Variants in MAPK1IP1L observed in about 807,000 individuals in gnomAD.
MAPK1IP1L encodes mitogen-activated protein kinase 1 interacting protein 1 like.
MAPK1IP1L carries 10 observed loss-of-function variants against 18.1 expected under a neutral mutation model. That is an observed-to-expected ratio of 0.55 (90% CI 0.34 to 0.94). The LOEUF is 0.94. MAPK1IP1L is among the 40% of genes least tolerant of loss of function. The pLI, the probability that MAPK1IP1L is intolerant of heterozygous loss-of-function variation, is 0.02. For synonymous variants in MAPK1IP1L, 115 were observed against 117.3 expected, an observed-to-expected ratio of 0.98 and a Z score of 0.13; for missense variants, 260 against 318.2, an observed-to-expected ratio of 0.82 and a Z score of 1.39.
chr14:55,052,065 T>C (rs936725281), intron 1 of MAPK1IP1L, among the ~76,000 whole-genome samples: 22 of 151,952 alleles, frequency 1.4e-4, no homozygotes, highest in African/African-American at 4.8e-4. Context: ...CCGACGGGTT[T>C]CTGGGCGCCT....
intron 1 of MAPK1IP1L, among the ~76,000 whole-genome samples, chr14:55,059,468 C>CA (rs1333476767): frequency 1.3e-5 from 2 of 151,988 alleles, no homozygotes; most frequent in Non-Finnish European, 2.9e-5. Flanking sequence ...TCCATCTCTA[C>CA]AAAAAAACTA....
At chr14:55,054,912 C>A (rs145016566) in intron 1 of MAPK1IP1L, among the ~76,000 whole-genome samples, 1 of 152,248 alleles carries the variant, frequency 6.6e-6, no homozygotes, top group South Asian at 2.1e-4. Context: ...AATTACTATT[C>A]TTGCTATTCA....
intron 1 of MAPK1IP1L, among the ~76,000 whole-genome samples, chr14:55,057,663 C>T (rs1272245776): frequency 6.6e-6 from 1 of 151,094 alleles, no homozygotes; most frequent in Non-Finnish European, 1.5e-5. Context: ...GACTGAGGCA[C>T]GAGAATCGCT....
intron 1 of MAPK1IP1L, among the ~76,000 whole-genome samples, chr14:55,052,409 C>A (rs1472164683): frequency 1.3e-5 from 2 of 152,042 alleles, no homozygotes; most frequent in Non-Finnish European, 2.9e-5. Context: ...AGATGAATAC[C>A]CAGGGCAAAC....
rs1287236492 is a variant in MAPK1IP1L at position 55,068,496 on chromosome 14, TAGA to T, written c.*3872_*3874del. Reference sequence around the variant, plus strand: ...GTCTCAATTTTCTCACCCTGAATGATAGAAGCTAGCTTTATCAAATGCCAAGGT... The same window carrying T: ...GTCTCAATTTTCTCACCCTGAATGATAGCTAGCTTTATCAAATGCCAAGGT... On this transcript the variant is annotated 3_prime_UTR_variant, in exon 4 of 4. Coordinates refer to ENST00000395468, the MANE Select transcript of MAPK1IP1L (RefSeq NM_144578.4). 1 of 152,608 alleles carries T rather than the reference TAGA, an allele frequency of 6.6e-6. No homozygotes were observed. The highest frequency in any genetic ancestry group is 1.9e-4 in the East Asian group (1 of 5,196). The allele number at this position is 152,608 out of a possible 1,614,324, so 9.5% of individuals were successfully genotyped here. A position where few individuals can be genotyped will look rare whatever the true frequency, so the allele number is the denominator to read the frequency against.
intron 1 of MAPK1IP1L, among the ~76,000 whole-genome samples, chr14:55,054,257 C>T (rs2042753627): frequency 1.3e-5 from 2 of 149,666 alleles, no homozygotes; most frequent in Admixed American, 1.3e-4. Context: ...CCTGCCTCAG[C>T]CTATCGAAGC....
intron 1 of MAPK1IP1L, 37 bp from the exon 2 acceptor site, chr14:55,061,643 A>G (rs2042818880): frequency 6.8e-7 from 1 of 1,471,860 alleles, no homozygotes; most frequent in Admixed American, 2.0e-5. Flanking sequence ...TGATTTTGAA[A>G]TTTTTCTTTC....
At chr14:55,054,065 G>A (rs2042751211) in intron 1 of MAPK1IP1L, among the ~76,000 whole-genome samples, 2 of 151,794 alleles carry the variant, frequency 1.3e-5, no homozygotes, top group Admixed American at 1.3e-4. Flanking sequence ...AGATTTTTGA[G>A]CATTTCAAAA....
rs530951947 is a variant in MAPK1IP1L, at chr14:55,066,281, G to A, written c.*1654G>A. 8 of 152,278 alleles carry A rather than the reference G, an allele frequency of 5.3e-5. No individual in the cohort carries two copies. The highest frequency in any genetic ancestry group is 1.9e-4 in the African/African-American group (8 of 41,556). 9.4% of individuals were successfully genotyped at this position (152,278 alleles called of 1,614,324 possible). A position where few individuals can be genotyped will look rare whatever the true frequency, so the allele number is the denominator to read the frequency against. On this transcript the variant is annotated 3_prime_UTR_variant, in exon 4 of 4. Coordinates refer to ENST00000395468, the MANE Select transcript of MAPK1IP1L (RefSeq NM_144578.4). ...GAAAGCAAAATGGTTACCTTTGAGA[G>A]GAACATTCAGTGTTTAATCATCCCT... is the stretch of plus-strand genomic sequence containing the variant.
intron 2 of MAPK1IP1L, 21 bp downstream of exon 2, chr14:55,061,722 G>T: frequency 1.9e-6 from 3 of 1,548,844 alleles, no homozygotes; most frequent in Non-Finnish European, 2.6e-6. Context: ...CAGTTTATCT[G>T]TGATAAGTTT....
At chr14:55,061,645 TTTTC>T (rs2042818928) in intron 1 of MAPK1IP1L, 31 bp from the exon 2 acceptor site, 1 of 1,481,026 alleles carries the variant, frequency 6.8e-7, no homozygotes, top group South Asian at 1.2e-5. Context: ...ATTTTGAAAT[TTTTC>T]TTTCTTCCTT....
At chr14:55,063,645 T>C (rs1446162261) in intron 3 of MAPK1IP1L, among the ~76,000 whole-genome samples, 1 of 150,236 alleles carries the variant, frequency 6.7e-6, no homozygotes, top group South Asian at 2.1e-4. Context: ...TTTATTATTA[T>C]TATTTCTCAG....
Position 55,067,004 on chromosome 14 carries a change from TCTC to T in MAPK1IP1L, c.*2380_*2382del, listed in dbSNP as rs1320884267. On this transcript the variant is annotated 3_prime_UTR_variant, in exon 4 of 4. Coordinates refer to ENST00000395468, the MANE Select transcript of MAPK1IP1L (RefSeq NM_144578.4). Reference sequence around the variant, plus strand: ...GCTCCATCTCCCAGGTTCACACCATTCTCCTGCCTCAGCCTCCCAAGCAGCTGG... The same window carrying T: ...GCTCCATCTCCCAGGTTCACACCATTCTGCCTCAGCCTCCCAAGCAGCTGG... 96 of 151,890 alleles carry T rather than the reference TCTC, an allele frequency of 6.3e-4. No homozygotes were observed. Among genetic ancestry groups the T allele is most frequent in the African/African-American group, 2.3e-3 (94 of 41,386 alleles). 9.4% of individuals were successfully genotyped at this position (151,890 alleles called of 1,614,324 possible). A position where few individuals can be genotyped will look rare whatever the true frequency, so the allele number is the denominator to read the frequency against.
At position 55,068,539 on chromosome 14, in the gene MAPK1IP1L, A is replaced by T. The variant is rs563121240; in HGVS notation, c.*3912A>T. On this transcript the variant is annotated 3_prime_UTR_variant, in exon 4 of 4. Coordinates refer to ENST00000395468, the MANE Select transcript of MAPK1IP1L (RefSeq NM_144578.4). Reference sequence around the variant, plus strand: ...AATGCCAAGGTTAGAAAGCCTGGAAATAAAACTTAAGCACAGACATTCAAG... The same window carrying T: ...AATGCCAAGGTTAGAAAGCCTGGAATTAAAACTTAAGCACAGACATTCAAG... 1.3e-5 allele frequency: 2 copies of T among 152,642 alleles called. No individual in the cohort carries two copies. Among genetic ancestry groups the T allele is most frequent in the South Asian group, 4.1e-4 (2 of 4,832 alleles). 9.5% of individuals were successfully genotyped at this position (152,642 alleles called of 1,614,324 possible).
Position 55,052,177 on chromosome 14 carries a change from A to G in MAPK1IP1L, c.-5+374A>G, listed in dbSNP as rs1026214012. Among the ~76,000 whole-genome samples, 22 of 126,514 alleles carry G rather than the reference A, an allele frequency of 1.7e-4. No individual in the cohort carries two copies. The Admixed American group carries it at 1.7e-3, about 10-fold the overall frequency. The allele number at this position is 126,514 out of a possible 152,430, so 83.0% of individuals were successfully genotyped here. A position where few individuals can be genotyped will look rare whatever the true frequency, so the allele number is the denominator to read the frequency against. The stretch of plus-strand genomic sequence containing the variant: ...CTAGGAGGCCGGTTCGCTCCGGTTG[A>G]TCCCGGACTCCCTTTGTTCGTGCGT... On this transcript the variant is annotated intron_variant, in intron 1 of 3. Coordinates refer to ENST00000395468, the MANE Select transcript of MAPK1IP1L (RefSeq NM_144578.4).
At chr14:55,059,433 A>G (rs574717725) in intron 1 of MAPK1IP1L, among the ~76,000 whole-genome samples, 1 of 152,148 alleles carries the variant, frequency 6.6e-6, no homozygotes, top group South Asian at 2.1e-4. Flanking sequence ...GGAGTTCAAG[A>G]CCAGCCTGGG....
rs944624835 is a variant in MAPK1IP1L, at chr14:55,066,622, C to G, written c.*1995C>G. The G allele has an allele frequency of 1.3e-5, 2 of 152,118 alleles. No individual in the cohort carries two copies. Among genetic ancestry groups the G allele is most frequent in the Non-Finnish European group, 2.9e-5 (2 of 68,030 alleles). 9.4% of individuals were successfully genotyped at this position (152,118 alleles called of 1,614,324 possible). A position where few individuals can be genotyped will look rare whatever the true frequency, so the allele number is the denominator to read the frequency against. On this transcript the variant is annotated 3_prime_UTR_variant, in exon 4 of 4. Coordinates refer to ENST00000395468, the MANE Select transcript of MAPK1IP1L (RefSeq NM_144578.4). ...TTTGGCTGTCCTACATTGGGATAAG[C>G]TGACAAATTAGCAGTATTTAGTTTA... is the stretch of plus-strand genomic sequence containing the variant.
chr14:55,054,228 C>G (rs2042753231), intron 1 of MAPK1IP1L, among the ~76,000 whole-genome samples: 1 of 142,664 alleles, frequency 7.0e-6, no homozygotes, highest in African/African-American at 2.6e-5. Context: ...AGCTCCGCCT[C>G]CCAGGTTCCA....
chr14:55,054,177 C>CTTTTTTTTT (rs371063665), intron 1 of MAPK1IP1L, among the ~76,000 whole-genome samples: 1 of 127,288 alleles, frequency 7.9e-6, no homozygotes, highest in Non-Finnish European at 1.7e-5. Context: ...TTTATATTTT[C>CTTTTTTTTT]TTTTTTTTTT....
Sources: allele counts gnomAD v4.1 joint callset (sites outside exome capture counted in the v4.1 genomes callset), GRCh38; gene constraint gnomAD v4.1.1; transcripts MANE v1.5; gene names NCBI Gene and HGNC (gene_info 2026-07-23, HGNC 2026-07-21).